Variants in TAFA1 observed in about 807,000 individuals in gnomAD.
TAFA1 encodes the protein TAFA chemokine like family member 1.
TAFA1 carries 4 observed loss-of-function variants against 18.5 expected under a neutral mutation model. The ratio of observed to expected loss-of-function variants is 0.22; its 90% CI spans 0.11 to 0.49. The LOEUF (loss-of-function observed/expected upper bound fraction) is 0.49, where lower values mean the gene tolerates loss of function less well. Ranked by LOEUF, TAFA1 falls within the 20% of genes least tolerant of loss-of-function variation. TAFA1 has a pLI of 0.98. For missense variants in TAFA1, 147 were observed against 169.0 expected (o/e 0.87, Z 0.72); for synonymous variants, 56 against 55.2 (o/e 1.01, Z -0.06).
chr3:68,537,864 C>T (rs896503074), intron 3 of TAFA1, among the ~76,000 whole-genome samples: 2 of 152,158 alleles, frequency 1.3e-5, no homozygotes, highest in African/African-American at 4.8e-5. Context: ...AAAACTAATT[C>T]ACTGAGACCA....
intron 3 of TAFA1, among the ~76,000 whole-genome samples, chr3:68,490,141 C>A (rs775519763): frequency 4.0e-4 from 61 of 152,138 alleles, no homozygotes; most frequent in Non-Finnish European, 8.1e-4. Context: ...ATGGACTTTT[C>A]TGATGTTATT....
chr3:68,486,472 T>C (rs2072342309), intron 3 of TAFA1, among the ~76,000 whole-genome samples: 1 of 152,172 alleles, frequency 6.6e-6, no homozygotes, highest in Admixed American at 6.5e-5. Flanking sequence ...TGAGAAAAGC[T>C]TAGACTTTGA....
At position 68,310,885 on chromosome 3, in the gene TAFA1, C is replaced by T. The variant is rs998916293; in HGVS notation, c.119-106395C>T. Reference sequence around the variant, plus strand: ...TTTTTTTAGTGCTGTCAAGTGTTTACGTATGCTAAATTTTGGTTGCTTATT... The same window carrying T: ...TTTTTTTAGTGCTGTCAAGTGTTTATGTATGCTAAATTTTGGTTGCTTATT... On this transcript the variant is annotated intron_variant, in intron 2 of 4. Transcript: ENST00000478136. Among the ~76,000 whole-genome samples, 5 of 151,964 alleles carry T rather than the reference C, an allele frequency of 3.3e-5. 1 individual carries two copies. The South Asian group carries it at 6.2e-4, about 19-fold the overall frequency.
intron 3 of TAFA1, among the ~76,000 whole-genome samples, chr3:68,425,152 G>A (rs2071027043): frequency 6.6e-6 from 1 of 151,860 alleles, no homozygotes; most frequent in Non-Finnish European, 1.5e-5. Flanking sequence ...AAAACCCTAA[G>A]CCCCTATTTA....
intron 2 of TAFA1, among the ~76,000 whole-genome samples, chr3:68,367,995 A>G (rs985039744): frequency 6.6e-6 from 1 of 152,198 alleles, no homozygotes; most frequent in Non-Finnish European, 1.5e-5. Context: ...CAGCTTATTT[A>G]TATGTACATA....
At chr3:68,169,258 G>A (rs1197274472) in intron 2 of TAFA1, among the ~76,000 whole-genome samples, 3 of 152,010 alleles carry the variant, frequency 2.0e-5, no homozygotes, top group East Asian at 1.9e-4. Context: ...TGGACGGTAC[G>A]GGCTGCTATG....
At chr3:68,194,348 A>G in intron 2 of TAFA1, among the ~76,000 whole-genome samples, 1 of 151,716 alleles carries the variant, frequency 6.6e-6, no homozygotes, top group East Asian at 2.0e-4. Flanking sequence ...ATGGAAATCT[A>G]CATTGTTTTC....
intron 2 of TAFA1, among the ~76,000 whole-genome samples, chr3:68,048,871 A>G (rs937130813): frequency 6.6e-6 from 1 of 152,160 alleles, no homozygotes; most frequent in Non-Finnish European, 1.5e-5. Flanking sequence ...GTTGATGTAC[A>G]CTGAGGTTTC....
intron 2 of TAFA1, among the ~76,000 whole-genome samples, chr3:68,324,265 TAA>T (rs2068741309): frequency 1.3e-5 from 2 of 151,992 alleles, no homozygotes; most frequent in Admixed American, 6.6e-5. Context: ...GCCTTGTTGA[TAA>T]ATATAGCCTT....
At chr3:68,025,742 G>A (rs867400911) in intron 2 of TAFA1, among the ~76,000 whole-genome samples, 2 of 152,008 alleles carry the variant, frequency 1.3e-5, no homozygotes, top group Non-Finnish European at 2.9e-5. Flanking sequence ...CGTGATATAC[G>A]TTCTCCCTGC....
At chr3:68,352,150 T>C (rs148970185) in intron 2 of TAFA1, among the ~76,000 whole-genome samples, 1 of 152,078 alleles carries the variant, frequency 6.6e-6, no homozygotes, top group South Asian at 2.1e-4. Flanking sequence ...TGAGCACTTG[T>C]AGGTAAACAA....
At chr3:68,084,306 T>C (rs561797571) in intron 2 of TAFA1, among the ~76,000 whole-genome samples, 11 of 152,226 alleles carry the variant, frequency 7.2e-5, no homozygotes, top group Non-Finnish European at 1.6e-4. Context: ...TTTGTTCACA[T>C]CCAGCTTAGA....
At chr3:68,346,595 T>A (rs2069168542) in intron 2 of TAFA1, among the ~76,000 whole-genome samples, 1 of 152,190 alleles carries the variant, frequency 6.6e-6, no homozygotes, top group African/African-American at 2.4e-5. Context: ...GCCTTTATGG[T>A]GACAACAGAA....
intron 2 of TAFA1, among the ~76,000 whole-genome samples, chr3:68,182,228 A>AACAG (rs1358067164): frequency 3.2e-4 from 48 of 152,282 alleles, no homozygotes; most frequent in African/African-American, 1.1e-3. Context: ...TGAATTCATA[A>AACAG]ACAGACAGAC....
At chr3:68,216,867 T>A (rs2066665916) in intron 2 of TAFA1, among the ~76,000 whole-genome samples, 1 of 152,122 alleles carries the variant, frequency 6.6e-6, no homozygotes, top group African/African-American at 2.4e-5. Context: ...TATGGGATTA[T>A]AAGCCAAAGT....
intron 3 of TAFA1, among the ~76,000 whole-genome samples, chr3:68,511,963 C>CTTT (rs2072853855): frequency 6.6e-6 from 1 of 151,984 alleles, no homozygotes; most frequent in Admixed American, 6.6e-5. Flanking sequence ...CTTCTAAGGT[C>CTTT]TTTCTGTATT....
intron 2 of TAFA1, among the ~76,000 whole-genome samples, chr3:68,180,741 T>C (rs1049441170): frequency 1.4e-5 from 2 of 147,610 alleles, no homozygotes; most frequent in Admixed American, 1.3e-4. Context: ...GTCACCAGAA[T>C]AGCAACATCA....
At chr3:68,506,971 A>T (rs2072769369) in intron 3 of TAFA1, among the ~76,000 whole-genome samples, 2 of 152,126 alleles carry the variant, frequency 1.3e-5, no homozygotes, top group South Asian at 2.1e-4. Flanking sequence ...AAAGCCTGTG[A>T]TGCAGGAAGG....
At chr3:68,419,882 G>A (rs779074691) in intron 3 of TAFA1, among the ~76,000 whole-genome samples, 8 of 152,138 alleles carry the variant, frequency 5.3e-5, no homozygotes, top group Admixed American at 6.6e-5. Flanking sequence ...CGTGGAATTC[G>A]TAAATTCTTC....
Sources: gnomAD v4.1 joint callset for allele counts (sites outside exome capture counted in the v4.1 genomes callset) on GRCh38, gnomAD v4.1.1 for gene constraint, MANE v1.5 for transcripts, NCBI Gene and HGNC (gene_info 2026-07-23, HGNC 2026-07-21) for gene names.